Variants in PARD3B observed in about 807,000 individuals in gnomAD.
PARD3B encodes partitioning defective 3 homolog B.
In PARD3B, 103 loss-of-function variants were observed where a neutral mutation model predicts 130.2. That is an observed-to-expected ratio of 0.79 (90% CI 0.67 to 0.93). PARD3B has a LOEUF of 0.93. PARD3B is among the 40% of genes least tolerant of loss of function. PARD3B has a pLI of 0.00. For missense variants in PARD3B, 1,609 were observed against 1,499.2 expected (o/e 1.07, Z -1.21); for synonymous variants, 583 against 553.2 (o/e 1.05, Z -0.76).
Position 205,564,001 on chromosome 2 carries a change from A to G in PARD3B, c.3260+10598A>G, listed in dbSNP as rs547358545. Reference sequence around the variant, plus strand: ...CCAAGAACTCTGGCAAGTACTTTAAATATGTCACCTCATTTATTTCCTGTA... The same window carrying G: ...CCAAGAACTCTGGCAAGTACTTTAAGTATGTCACCTCATTTATTTCCTGTA... On this transcript the variant is annotated intron_variant, in intron 22 of 22. Coordinates refer to ENST00000406610, the MANE Select transcript of PARD3B (RefSeq NM_001302769.2). This position sits in a 1 kb window ranked among gnomAD's most constrained non-coding sequence, Gnocchi z 4.6. 1.7e-3 allele frequency among the ~76,000 whole-genome samples: 257 copies of G among 152,352 alleles called. 3 individuals carry two copies. The highest frequency in any genetic ancestry group is 3.4e-3 in the Middle Eastern group (1 of 294).
In PARD3B at chr2:204,846,575, A is replaced by G. The variant is rs370784868; in HGVS notation, c.223-118577A>G. Among the ~76,000 whole-genome samples, 56 of 151,456 alleles carry G rather than the reference A, an allele frequency of 3.7e-4. No homozygotes were observed. In the South Asian group the frequency reaches 6.3e-3, roughly 17 times the overall value. On this transcript the variant is annotated intron_variant, in intron 2 of 22. Coordinates refer to ENST00000406610, the MANE Select transcript of PARD3B (RefSeq NM_001302769.2). ...TGTGAGGGTGGGGCCCTGATATGAT[A>G]GGGTTAGTGTCTTATAAGAAGAGTT... is the stretch of plus-strand genomic sequence containing the variant.
intron 18 of PARD3B, among the ~76,000 whole-genome samples, chr2:205,369,124 G>T (rs2044718589): frequency 6.6e-6 from 1 of 152,182 alleles, no homozygotes; most frequent in African/African-American, 2.4e-5. Context: ...GAAATTGGGT[G>T]CCTTAAAGGC....
At chr2:205,576,040 T>G (rs898295772) in intron 22 of PARD3B, among the ~76,000 whole-genome samples, 1 of 152,208 alleles carries the variant, frequency 6.6e-6, no homozygotes, top group Non-Finnish European at 1.5e-5. Flanking sequence ...GCATTTGGTG[T>G]TGTCAGTATT....
rs1196221644 is a variant in PARD3B, at chr2:205,558,661, A to G, written c.3260+5258A>G. Among the ~76,000 whole-genome samples, 1 of 152,006 alleles carries G rather than the reference A, an allele frequency of 6.6e-6. No homozygotes were observed. The highest frequency in any genetic ancestry group is 2.4e-5 in the African/African-American group (1 of 41,396). On this transcript the variant is annotated intron_variant, in intron 22 of 22. Coordinates refer to ENST00000406610, the MANE Select transcript of PARD3B (RefSeq NM_001302769.2). This position sits in a 1 kb window ranked among gnomAD's most constrained non-coding sequence, Gnocchi z 4.8. ...CTCTGCTTCCCGCCTTTTGCTCCAC[A>G]TGGATTCTCTCTGTGCCGTCTCCTC...
chr2:205,400,470 G>A (rs970753976), intron 18 of PARD3B, among the ~76,000 whole-genome samples: 4 of 151,902 alleles, frequency 2.6e-5, no homozygotes, highest in African/African-American at 4.8e-5. Context: ...GTGAAACCCC[G>A]TCTCTACTAA....
At chr2:205,381,477 G>A (rs2045446921) in intron 18 of PARD3B, among the ~76,000 whole-genome samples, 1 of 151,436 alleles carries the variant, frequency 6.6e-6, no homozygotes, top group South Asian at 2.1e-4. Context: ...AGCTTTGGAA[G>A]GTCGGAAGGT....
At chr2:205,337,654 A>T (rs568388864) in intron 18 of PARD3B, among the ~76,000 whole-genome samples, 2 of 152,280 alleles carry the variant, frequency 1.3e-5, no homozygotes, top group South Asian at 4.1e-4. Flanking sequence ...TCCCAAGTTA[A>T]ATAGAGTGTG....
rs1048505936 is a variant in PARD3B, at chr2:204,586,484, C to T, written c.120+40365C>T. ...GAGATTAAATGTTGCCGAAGGCTACCAGCAAGGGAGTTGTGGAGGCAGGGT... is the reference window on the plus strand; with the variant it reads ...GAGATTAAATGTTGCCGAAGGCTACTAGCAAGGGAGTTGTGGAGGCAGGGT... On this transcript the variant is annotated intron_variant, in intron 1 of 22. Coordinates refer to ENST00000406610, the MANE Select transcript of PARD3B (RefSeq NM_001302769.2). Among the ~76,000 whole-genome samples, 4 of 152,182 alleles carry T rather than the reference C, an allele frequency of 2.6e-5. 1 individual carries two copies. Among genetic ancestry groups the T allele is most frequent in the Admixed American group, 2.0e-4 (3 of 15,268 alleles).
rs192209122 is a variant in PARD3B, at chr2:205,062,679, T to G, written c.504+14989T>G. On this transcript the variant is annotated intron_variant, in intron 4 of 22. Coordinates refer to ENST00000406610, the MANE Select transcript of PARD3B (RefSeq NM_001302769.2). ...ATAAAAGAAGTAATGGATAAGCAAA[T>G]GAAAAGAAAAAAAGAATAAATTAGC... 1.1e-3 allele frequency among the ~76,000 whole-genome samples: 159 copies of G among 151,334 alleles called. 2 individuals carry two copies. Among genetic ancestry groups the G allele is most frequent in the African/African-American group, 3.7e-3 (153 of 41,246 alleles).
chr2:205,582,072 T>G (rs1481924763), intron 22 of PARD3B, among the ~76,000 whole-genome samples: 2 of 152,222 alleles, frequency 1.3e-5, no homozygotes, highest in African/African-American at 4.8e-5. Context: ...AATGGGCAGT[T>G]TCTACTGGCC....
rs751585832 is a variant in PARD3B at position 205,176,479 on chromosome 2, G to A, written c.1826G>A (p.Cys609Tyr). ...PAECGAFSKP[C>Y]FENCQNAVTT... ...GAGTGTGGGGCATTTTCCAAGCCAT[G>A]CTTTGAGAACTGTCAAAATGCTGTA... is the stretch of plus-strand genomic sequence containing the variant. Residue 609 changes from cysteine (C) to tyrosine (Y), a missense_variant, in exon 13 of 23, where the codon TGC becomes TAC. Physicochemically the swap from Cys to Tyr is radical, Grantham distance 194. Transcript: ENST00000406610. This position sits in a 1 kb window ranked among gnomAD's most constrained non-coding sequence, Gnocchi z 5.3. 8.1e-6 allele frequency: 13 copies of A among 1,611,748 alleles called. No homozygotes were observed. The East Asian group carries it at 2.2e-4, about 28-fold the overall frequency.
intron 21 of PARD3B, among the ~76,000 whole-genome samples, chr2:205,522,658 T>G (rs1324754221): frequency 6.6e-6 from 1 of 152,154 alleles, no homozygotes; most frequent in Non-Finnish European, 1.5e-5. Flanking sequence ...TCTTGGCTTG[T>G]GGTACTGGCA....
intron 20 of PARD3B, among the ~76,000 whole-genome samples, chr2:205,443,163 T>C (rs183326618): frequency 6.6e-6 from 1 of 152,316 alleles, no homozygotes; most frequent in East Asian, 1.9e-4. Context: ...ATTACTCTCC[T>C]TTTTCAATGA....
chr2:205,380,721 CTA>C (rs1460575213), intron 18 of PARD3B, among the ~76,000 whole-genome samples: 12 of 93,244 alleles, frequency 1.3e-4, no homozygotes, highest in African/African-American at 5.3e-4. Context: ...ATTATATATA[CTA>C]TATATAAAGA....
In PARD3B at chr2:205,289,316, G is replaced by A. The variant is rs557891716; in HGVS notation, c.2186-11214G>A. 5.3e-5 allele frequency among the ~76,000 whole-genome samples: 8 copies of A among 152,182 alleles called. No homozygotes were observed. In the South Asian group the frequency reaches 1.7e-3, roughly 32 times the overall value. On this transcript the variant is annotated intron_variant, in intron 16 of 22. Transcript: ENST00000406610. Reference sequence around the variant, plus strand: ...GAAGCAGAAATCCTCTTGCCATTCTGTGGGTTATAGAGAATCCTCCTAATG... The same window carrying A: ...GAAGCAGAAATCCTCTTGCCATTCTATGGGTTATAGAGAATCCTCCTAATG...
At position 205,421,034 on chromosome 2, in the gene PARD3B, G is replaced by A. The variant is rs1027172639; in HGVS notation, c.2742-19336G>A. 2.6e-5 allele frequency among the ~76,000 whole-genome samples: 4 copies of A among 152,026 alleles called. No homozygotes were observed. Among genetic ancestry groups the A allele is most frequent in the South Asian group, 2.1e-4 (1 of 4,822 alleles). On this transcript the variant is annotated intron_variant, in intron 19 of 22. Transcript: ENST00000406610. This position sits in a 1 kb window ranked among gnomAD's most constrained non-coding sequence, Gnocchi z 5.1. The stretch of plus-strand genomic sequence containing the variant: ...GGCGTGCCCATAGTCCCAGCTACTC[G>A]GGGGGCCAAGGCAGGAGAATCACTT...
chr2:204,902,452 G>T (rs899587911), intron 2 of PARD3B, among the ~76,000 whole-genome samples: 2 of 152,106 alleles, frequency 1.3e-5, no homozygotes, highest in African/African-American at 4.8e-5. Context: ...GGCGGATCAC[G>T]AGGTCAGGAG....
intron 1 of PARD3B, among the ~76,000 whole-genome samples, chr2:204,661,406 A>T (rs2035803432): frequency 6.6e-6 from 1 of 152,180 alleles, no homozygotes; most frequent in South Asian, 2.1e-4. Context: ...GGAGTCCCCG[A>T]GATGCAACTT....
At chr2:205,391,408 A>G (rs1009557970) in intron 18 of PARD3B, among the ~76,000 whole-genome samples, 1 of 152,248 alleles carries the variant, frequency 6.6e-6, no homozygotes, top group Non-Finnish European at 1.5e-5. Context: ...CCGAAGATCC[A>G]CTTAAAAATC....
Sources: gnomAD v4.1 joint callset for allele counts (sites outside exome capture counted in the v4.1 genomes callset) on GRCh38, gnomAD v4.1.1 for gene constraint, Gnocchi (gnomAD v3.1) non-coding constraint, MANE v1.5 for transcripts, NCBI Gene and HGNC (gene_info 2026-07-23, HGNC 2026-07-21) for gene names.